The following CDH18 variants were observed in gnomAD, a reference collection of about 807,000 sequenced individuals.
The protein encoded by CDH18 is cadherin 18.
Under a neutral mutation model 67.9 loss-of-function variants are expected in CDH18, and 31 were observed. The observed-to-expected ratio is 0.46, with a 90% confidence interval of 0.34 to 0.62. The LOEUF (loss-of-function observed/expected upper bound fraction) is 0.62. CDH18 is among the 20% of genes least tolerant of loss of function. The probability of loss-of-function intolerance (pLI) is 0.01; values close to 1 mark genes in which losing one functional copy is unlikely to be tolerated. For synonymous variants in CDH18, 362 were observed against 347.2 expected (o/e 1.04, Z -0.48); for missense variants, 890 against 975.5 (o/e 0.91, Z 1.17).
intron 1 of CDH18, among the ~76,000 whole-genome samples, chr5:20,441,421 G>A (rs1230269926): frequency 6.6e-6 from 1 of 151,654 alleles, no homozygotes; most frequent in Non-Finnish European, 1.5e-5. Context: ...TGATGTGTGT[G>A]CGTCTGTGTG....
At chr5:20,374,025 T>A (rs1218085678) in intron 1 of CDH18, among the ~76,000 whole-genome samples, 1 of 152,160 alleles carries the variant, frequency 6.6e-6, no homozygotes, top group Non-Finnish European at 1.5e-5. Flanking sequence ...AACATAACCC[T>A]ACTCATGTTA....
At chr5:20,416,680 G>T (rs1393464945) in intron 1 of CDH18, among the ~76,000 whole-genome samples, 1 of 151,968 alleles carries the variant, frequency 6.6e-6, no homozygotes, top group Non-Finnish European at 1.5e-5. Context: ...ACCACAAAAT[G>T]CATAGATAAT....
chr5:20,163,400 T>G (rs1342786588), intron 2 of CDH18, among the ~76,000 whole-genome samples: 7 of 152,246 alleles, frequency 4.6e-5, no homozygotes, highest in Admixed American at 3.3e-4. Flanking sequence ...TCATGTTTTA[T>G]GTCTCTTCAG....
chr5:20,137,498 G>A (rs1294892671), intron 2 of CDH18, among the ~76,000 whole-genome samples: 1 of 151,882 alleles, frequency 6.6e-6, no homozygotes, highest in Non-Finnish European at 1.5e-5. Flanking sequence ...CTTTTTTCAT[G>A]GTTTTTAGCT....
intron 6 of CDH18, among the ~76,000 whole-genome samples, chr5:19,591,780 T>G (rs1446379147): frequency 2.0e-5 from 3 of 152,112 alleles, no homozygotes; most frequent in Non-Finnish European, 4.4e-5. Context: ...AGTTACATAT[T>G]TCTTTAGCAT....
intron 2 of CDH18, among the ~76,000 whole-genome samples, chr5:20,206,763 T>C (rs1303902919): frequency 6.6e-6 from 1 of 151,920 alleles, no homozygotes; most frequent in Non-Finnish European, 1.5e-5. Context: ...ATGATATCAA[T>C]AGATGCTGAA....
chr5:19,560,223 G>T (rs989135841), intron 8 of CDH18, among the ~76,000 whole-genome samples: 2 of 151,964 alleles, frequency 1.3e-5, no homozygotes, highest in Non-Finnish European at 2.9e-5. Flanking sequence ...TAAGCAAAAA[G>T]AACAAATTCT....
At chr5:20,543,672 A>T (rs1332773527) in intron 1 of CDH18, among the ~76,000 whole-genome samples, 1 of 152,130 alleles carries the variant, frequency 6.6e-6, no homozygotes, top group Non-Finnish European at 1.5e-5. Flanking sequence ...TCTCTTTGTC[A>T]CTACTAAATA....
intron 5 of CDH18, among the ~76,000 whole-genome samples, chr5:19,680,653 C>T (rs1760160308): frequency 6.6e-6 from 1 of 151,768 alleles, no homozygotes; most frequent in Admixed American, 6.6e-5. Flanking sequence ...GGCCAACAAG[C>T]ATATGAAAAA....
chr5:19,584,231 G>C (rs1411271921), intron 7 of CDH18, among the ~76,000 whole-genome samples: 1 of 152,078 alleles, frequency 6.6e-6, no homozygotes, highest in Non-Finnish European at 1.5e-5. Flanking sequence ...AGTTATCAAA[G>C]TGTATTTACA....
chr5:20,307,012 ATATCT>A (rs141502810), intron 1 of CDH18, among the ~76,000 whole-genome samples: 5,702 of 152,238 alleles, frequency 0.037, 256 homozygotes, highest in African/African-American at 0.11. Flanking sequence ...ACCAACTGTG[ATATCT>A]TATGAGGAAA....
chr5:19,812,386 G>A (rs73057659), intron 3 of CDH18, among the ~76,000 whole-genome samples: 3 of 152,052 alleles, frequency 2.0e-5, no homozygotes, highest in Non-Finnish European at 4.4e-5. Context: ...TATTATGAAA[G>A]TGCATGTAGA....
At chr5:20,095,241 C>T (rs1337997371) in intron 2 of CDH18, among the ~76,000 whole-genome samples, 1 of 148,970 alleles carries the variant, frequency 6.7e-6, no homozygotes, top group Non-Finnish European at 1.5e-5. Context: ...GACCATGACA[C>T]ATGTATACCT....
intron 3 of CDH18, among the ~76,000 whole-genome samples, chr5:19,788,803 T>G (rs2149806449): frequency 6.6e-6 from 1 of 152,322 alleles, no homozygotes; most frequent in Non-Finnish European, 1.5e-5. Flanking sequence ...AAATGGTGAC[T>G]TGTTGTTAAA....
chr5:19,578,215 G>T (rs890429440), intron 7 of CDH18, among the ~76,000 whole-genome samples: 1 of 152,148 alleles, frequency 6.6e-6, no homozygotes, highest in Non-Finnish European at 1.5e-5. Flanking sequence ...TCTGCTTTAT[G>T]TAGAAACATA....
At chr5:19,899,228 C>T (rs994681595) in intron 2 of CDH18, among the ~76,000 whole-genome samples, 7 of 152,010 alleles carry the variant, frequency 4.6e-5, no homozygotes, top group South Asian at 4.1e-4. Context: ...GGAGAAACCC[C>T]GCCTCTACTA....
chr5:20,436,286 C>G (rs79725110), intron 1 of CDH18, among the ~76,000 whole-genome samples: 1 of 151,780 alleles, frequency 6.6e-6, no homozygotes, highest in Non-Finnish European at 1.5e-5. Flanking sequence ...TGTGGGAATC[C>G]GGCTTGCCTT....
chr5:19,659,416 T>G (rs1163981613), intron 5 of CDH18, among the ~76,000 whole-genome samples: 2 of 152,080 alleles, frequency 1.3e-5, no homozygotes, highest in African/African-American at 4.8e-5. Context: ...AAACAAATAG[T>G]AAATAAGAAA....
intron 5 of CDH18, among the ~76,000 whole-genome samples, chr5:19,708,610 C>T (rs984976126): frequency 6.6e-5 from 10 of 152,286 alleles, no homozygotes; most frequent in Middle Eastern, 3.4e-3. Context: ...ACAAGGAACA[C>T]CTGGCCCACT....
Sources: gnomAD v4.1 joint callset for allele counts (sites outside exome capture counted in the v4.1 genomes callset) on GRCh38, gnomAD v4.1.1 for gene constraint, MANE v1.5 for transcripts, NCBI Gene and HGNC (gene_info 2026-07-23, HGNC 2026-07-21) for gene names.